Variants in OR10G7 observed in about 807,000 individuals in gnomAD.
OR10G7 encodes the protein olfactory receptor 10G7.
For missense variants in OR10G7, 338 were observed against 382.1 expected (o/e 0.88, Z 0.96); for synonymous variants, 165 against 167.4 (o/e 0.99, Z 0.11).
intron 1 of OR10G7, among the ~76,000 whole-genome samples, chr11:124,039,439 A>AAC (rs147148370): frequency 5.5e-4 from 84 of 151,576 alleles, no homozygotes; most frequent in South Asian, 1.0e-3. Flanking sequence ...TCTCTGTGTC[A>AAC]ACACACACAC....
At position 124,036,030 on chromosome 11, in the gene OR10G7, G is replaced by T. The variant is rs971946489; in HGVS notation, c.*2036C>A. On this transcript the variant is annotated 3_prime_UTR_variant, in exon 2 of 2. Transcript: ENST00000641585. ...ATTAACATACACTGGTGTTAAAACT[G>T]TATAGTATTTAACAAATACACACAC... 1 of 152,220 alleles carries T rather than the reference G, an allele frequency of 6.6e-6. No homozygotes were observed. The highest frequency in any genetic ancestry group is 1.9e-4 in the East Asian group (1 of 5,178). 9.4% of individuals were successfully genotyped at this position (152,220 alleles called of 1,614,324 possible). A position where few individuals can be genotyped will look rare whatever the true frequency, so the allele number is the denominator to read the frequency against.
rs1864191094 is a variant in OR10G7 at position 124,036,277 on chromosome 11, TTATA to T, written c.*1785_*1788del. The stretch of plus-strand genomic sequence containing the variant: ...AATTAAATAAAGACTGACATTCTTC[TTATA>T]TATGTTTATCAATAATTTACTTTCA... On this transcript the variant is annotated 3_prime_UTR_variant, in exon 2 of 2. Transcript: ENST00000641585. The T allele has an allele frequency of 6.6e-6, 1 of 152,208 alleles. No individual in the cohort carries two copies. The highest frequency in any genetic ancestry group is 2.1e-4 in the South Asian group (1 of 4,832). The allele number at this position is 152,208 out of a possible 1,614,324, so 9.4% of individuals were successfully genotyped here. A position where few individuals can be genotyped will look rare whatever the true frequency, so the allele number is the denominator to read the frequency against.
intron 1 of OR10G7, among the ~76,000 whole-genome samples, chr11:124,039,303 T>C (rs898348093): frequency 2.0e-5 from 3 of 152,036 alleles, no homozygotes; most frequent in African/African-American, 7.3e-5. Context: ...TTGGAAAAGA[T>C]ATACTCAAAT....
rs536786109 is a variant in OR10G7 at position 124,037,489 on chromosome 11, A to G, written c.*577T>C. On this transcript the variant is annotated 3_prime_UTR_variant, in exon 2 of 2. Transcript: ENST00000641585. ...GTATACAGTGCATAAATGGACAAATATTTACTCTCAGAAATCTTTCAGGCC... is the reference window on the plus strand; with the variant it reads ...GTATACAGTGCATAAATGGACAAATGTTTACTCTCAGAAATCTTTCAGGCC... 2 of 152,308 alleles carry G rather than the reference A, an allele frequency of 1.3e-5. No homozygotes were observed. Among genetic ancestry groups the G allele is most frequent in the South Asian group, 4.1e-4 (2 of 4,832 alleles). The allele number at this position is 152,308 out of a possible 1,614,324, so 9.4% of individuals were successfully genotyped here. A position where few individuals can be genotyped will look rare whatever the true frequency, so the allele number is the denominator to read the frequency against.
At position 124,038,794 on chromosome 11, in the gene OR10G7, A is replaced by G. The variant is rs753816401; in HGVS notation, c.208T>C (p.Trp70Arg). ...FLTNLSFIDM[W>R]FSTVTVPKML... ...TTGGGCACCGTGACAGTGGAGAACC[A>G]CATGTCAATGAAGGACAGGTTGGTG... The change falls in exon 2 of 2, where the codon TGG (tryptophan) becomes CGG (arginine). Residue 70 changes from tryptophan (W) to arginine (R), a missense_variant. Trp to Arg is a moderately radical substitution (Grantham distance 101, BLOSUM62 -3). Transcript: ENST00000641585. The G allele has an allele frequency of 8.1e-6, 13 of 1,613,924 alleles. No individual in the cohort carries two copies. Among genetic ancestry groups the G allele is most frequent in the Non-Finnish European group, 1.0e-5 (12 of 1,180,024 alleles).
At position 124,038,247 on chromosome 11, in the gene OR10G7, C is replaced by T. The variant is rs1274430707; in HGVS notation, c.755G>A (p.Gly252Asp). 7 of 1,614,020 alleles carry T rather than the reference C, an allele frequency of 4.3e-6. No individual in the cohort carries two copies. The Admixed American group carries it at 6.7e-5, about 15-fold the overall frequency. The change falls in exon 2 of 2, where the codon GGC (glycine) becomes GAC (aspartate). Residue 252 changes from glycine to aspartate, a missense_variant. Gly to Asp is a moderately conservative substitution (Grantham distance 94). Transcript: ENST00000641585. ...SHCIVVLCFF[G>D]PGLFIYLRPG... Reference sequence around the variant, plus strand: ...CCTCAGGTAAATGAAAAGACCAGGGCCAAAGAAGCAAAGGACCACGATACA... The same window carrying T: ...CCTCAGGTAAATGAAAAGACCAGGGTCAAAGAAGCAAAGGACCACGATACA...
In OR10G7 at chr11:124,038,459, C is replaced by T. The variant is rs769432723; in HGVS notation, c.543G>A (p.Pro181=). Reference sequence around the variant, plus strand: ...CTGCACAGGCCAGTTTCAGGATGGGCGGTGCGTCACAGAAGTAGTGCTGGA... The same window carrying T: ...CTGCACAGGCCAGTTTCAGGATGGGTGGTGCGTCACAGAAGTAGTGCTGGA... ...NQIQHYFCDA[P]PILKLACADT... is the part of the protein sequence containing the mutation. The change falls in exon 2 of 2, where the codon CCG becomes CCA. Residue 181 remains proline (P), a synonymous_variant. Coordinates refer to ENST00000641585, the MANE Select transcript of OR10G7 (RefSeq NM_001004463.2). 8 of 1,613,810 alleles carry T rather than the reference C, an allele frequency of 5.0e-6. No homozygotes were observed. The highest frequency in any genetic ancestry group is 1.1e-5 in the South Asian group (1 of 91,072).
chr11:124,037,029 T>C lies in OR10G7; in HGVS notation c.*1037A>G, dbSNP rs532114732. ...AGAGTTGGCATGACCAGGATACCTG[T>C]GGTATTTAAATTAAACATTTATTTT... On this transcript the variant is annotated 3_prime_UTR_variant, in exon 2 of 2. Coordinates refer to ENST00000641585, the MANE Select transcript of OR10G7 (RefSeq NM_001004463.2). 4 of 152,218 alleles carry C rather than the reference T, an allele frequency of 2.6e-5. No individual in the cohort carries two copies. Among genetic ancestry groups the C allele is most frequent in the Non-Finnish European group, 5.9e-5 (4 of 68,050 alleles). The allele number at this position is 152,218 out of a possible 1,614,324, so 9.4% of individuals were successfully genotyped here. A position where few individuals can be genotyped will look rare whatever the true frequency, so the allele number is the denominator to read the frequency against.
At position 124,038,740 on chromosome 11, in the gene OR10G7, C is replaced by A; in HGVS notation, c.262G>T (p.Gly88Cys). 3 of 1,613,948 alleles carry A rather than the reference C, an allele frequency of 1.9e-6. No individual in the cohort carries two copies. Among genetic ancestry groups the A allele is most frequent in the Non-Finnish European group, 2.5e-6 (3 of 1,180,026 alleles). The change falls in exon 2 of 2, where the codon GGC (glycine) becomes TGC (cysteine). Residue 88 changes from glycine (G) to cysteine (C), a missense_variant. Transcript: ENST00000641585. The part of the protein sequence containing the change: ...KMLMTLVSPS[G>C]RTISFHSCVA... ...CAGCTGTGGAAGGAGATAGTCCTGC[C>A]GCTTGGGGACACCAAGGTCATCAGC...
rs1225926040 is a variant in OR10G7, at chr11:124,040,956, G to A, written c.-91C>T. ...GAAAGAAAATGTCAGTTCTTGATAAGTGGTATAATTTTTCTTTTCTTGCAA... is the reference window on the plus strand; with the variant it reads ...GAAAGAAAATGTCAGTTCTTGATAAATGGTATAATTTTTCTTTTCTTGCAA... On this transcript the variant is annotated 5_prime_UTR_variant, in exon 1 of 2. Transcript: ENST00000641585. 6.6e-6 allele frequency: 1 copy of A among 152,130 alleles called. No homozygotes were observed. Among genetic ancestry groups the A allele is most frequent in the Non-Finnish European group, 1.5e-5 (1 of 68,038 alleles). The allele number at this position is 152,130 out of a possible 1,614,324, so 9.4% of individuals were successfully genotyped here.
At position 124,037,257 on chromosome 11, in the gene OR10G7, CTT is replaced by C. The variant is rs1021627300; in HGVS notation, c.*807_*808del. 4.6e-5 allele frequency: 7 copies of C among 152,096 alleles called. No homozygotes were observed. Among genetic ancestry groups the C allele is most frequent in the African/African-American group, 1.7e-4 (7 of 41,416 alleles). 9.4% of individuals were successfully genotyped at this position (152,096 alleles called of 1,614,324 possible). A position where few individuals can be genotyped will look rare whatever the true frequency, so the allele number is the denominator to read the frequency against. ...ACTTTATTCTAAATTAAGGGATACT[CTT>C]AACAGTTTTTGACTGCATATTTTTG... On this transcript the variant is annotated 3_prime_UTR_variant, in exon 2 of 2. Transcript: ENST00000641585.
At position 124,038,592 on chromosome 11, in the gene OR10G7, C is replaced by T. The variant is rs776659891; in HGVS notation, c.410G>A (p.Gly137Glu). ...YPLRYTNMMT[G>E]RSCALLATGT... is the part of the protein sequence containing the mutation. The stretch of plus-strand genomic sequence containing the variant: ...GGTGGCCAGGAGGGCACACGAGCGC[C>T]CAGTCATCATGTTGGTGTACCTGAG... The change falls in exon 2 of 2, where the codon GGG (glycine) becomes GAG (glutamate). Residue 137 changes from glycine (G) to glutamate (E), a missense_variant. Transcript: ENST00000641585. 3 of 1,613,766 alleles carry T rather than the reference C, an allele frequency of 1.9e-6. No individual in the cohort carries two copies. Among genetic ancestry groups the T allele is most frequent in the Non-Finnish European group, 2.5e-6 (3 of 1,179,962 alleles).
In OR10G7 at chr11:124,038,756, G is replaced by A; in HGVS notation, c.246C>T (p.Thr82=). The A allele has an allele frequency of 6.2e-7, 1 of 1,614,040 alleles. No individual in the cohort carries two copies. Among genetic ancestry groups the A allele is most frequent in the Non-Finnish European group, 8.5e-7 (1 of 1,180,030 alleles). Residue 82 remains threonine, a synonymous_variant, in exon 2 of 2, where the codon ACC becomes ACT. Coordinates refer to ENST00000641585, the MANE Select transcript of OR10G7 (RefSeq NM_001004463.2). ...TAGTCCTGCCGCTTGGGGACACCAAGGTCATCAGCATTTTGGGCACCGTGA... is the reference window on the plus strand; with the variant it reads ...TAGTCCTGCCGCTTGGGGACACCAAAGTCATCAGCATTTTGGGCACCGTGA... ...STVTVPKMLM[T]LVSPSGRTIS...
rs1321594379 is a variant in OR10G7, at chr11:124,038,106, A to G, written c.896T>C (p.Leu299Ser). The change falls in exon 2 of 2, where the codon TTG becomes TCG. Residue 299 changes from leucine to serine, a missense_variant. Coordinates refer to ENST00000641585, the MANE Select transcript of OR10G7 (RefSeq NM_001004463.2). ...AAATACTGACCCATTTTTCAGCTTCAACAGAGCTTTCTTTACCTCCTTGTT... is the reference window on the plus strand; with the variant it reads ...AAATACTGACCCATTTTTCAGCTTCGACAGAGCTTTCTTTACCTCCTTGTT... ...LRNKEVKKAL[L>S]KLKNGSVFAQ... The G allele has an allele frequency of 6.2e-7, 1 of 1,613,606 alleles. No individual in the cohort carries two copies. The highest frequency in any genetic ancestry group is 2.2e-5 in the East Asian group (1 of 44,878).
Position 124,038,865 on chromosome 11 carries a change from AC to A in OR10G7, c.136del (p.Val46Ter). On this transcript the variant is annotated frameshift_variant, in exon 2 of 2. Coordinates refer to ENST00000641585, the MANE Select transcript of OR10G7 (RefSeq NM_001004463.2). LOFTEE classifies it low-confidence loss of function (END_TRUNC). ...GTGGAGGTGAGAATCCACCCTGATC[AC>A]CAGCAGGATGAGGAGGTTCCCCAGC... ...TVLGNLLILL[V>X]IRVDSHLHTP... 1 of 1,613,780 alleles carries A rather than the reference AC, an allele frequency of 6.2e-7. No homozygotes were observed. Among genetic ancestry groups the A allele is most frequent in the African/African-American group, 1.3e-5 (1 of 74,888 alleles).
Position 124,038,114 on chromosome 11 carries a change from T to C in OR10G7, c.888A>G (p.Lys296=), listed in dbSNP as rs747137233. ...ACCCATTTTTCAGCTTCAACAGAGC[T>C]TTCTTTACCTCCTTGTTTCTCAGGG... ...VYTLRNKEVK[K]ALLKLKNGSV... is the part of the protein sequence containing the mutation. The change falls in exon 2 of 2, where the codon AAA becomes AAG. Residue 296 remains lysine, a synonymous_variant. Coordinates refer to ENST00000641585, the MANE Select transcript of OR10G7 (RefSeq NM_001004463.2). 36 of 1,613,944 alleles carry C rather than the reference T, an allele frequency of 2.2e-5. No individual in the cohort carries two copies. The South Asian group carries it at 2.6e-4, about 12-fold the overall frequency.
Position 124,038,344 on chromosome 11 carries a change from T to G in OR10G7, c.658A>C (p.Ile220Leu). 2.5e-6 allele frequency: 4 copies of G among 1,614,116 alleles called. No individual in the cohort carries two copies. The highest frequency in any genetic ancestry group is 3.4e-6 in the Non-Finnish European group (4 of 1,180,036). Residue 220 changes from isoleucine to leucine, a missense_variant, in exon 2 of 2, where the codon ATC becomes CTC. Transcript: ENST00000641585. ...FVLIVLSYVS[I>L]VCSILRIRTS... ...CGGATCCGCAGGATGGAACAGACGATGGACACATAGGACAGCACTATCAGG... is the reference window on the plus strand; with the variant it reads ...CGGATCCGCAGGATGGAACAGACGAGGGACACATAGGACAGCACTATCAGG...
rs137869178 is a variant in OR10G7 at position 124,038,986 on chromosome 11, G to T, written c.16C>A (p.Leu6Ile). 9.4e-5 allele frequency: 152 copies of T among 1,613,270 alleles called. No homozygotes were observed. Among genetic ancestry groups the T allele is most frequent in the Non-Finnish European group, 1.2e-4 (137 of 1,179,436 alleles). Residue 6 changes from leucine (L) to isoleucine (I), a missense_variant, in exon 2 of 2, where the codon CTA becomes ATA. By Grantham distance (5) the Leu-to-Ile change is conservative. Coordinates refer to ENST00000641585, the MANE Select transcript of OR10G7 (RefSeq NM_001004463.2). MSNAT[L>I]LTAFILTGLP... is the part of the protein sequence containing the mutation. Reference sequence around the variant, plus strand: ...CCCGTGAGGATGAACGCTGTCAGTAGGGTGGCGTTGGACATTTCTTCTCAT... The same window carrying T: ...CCCGTGAGGATGAACGCTGTCAGTATGGTGGCGTTGGACATTTCTTCTCAT...
chr11:124,039,894 C>G (rs549872658), intron 1 of OR10G7, among the ~76,000 whole-genome samples: 9 of 152,240 alleles, frequency 5.9e-5, no homozygotes, highest in South Asian at 4.2e-4. Flanking sequence ...GATCCTCCCC[C>G]TCCCCACCCC....
Sources: gnomAD v4.1 joint callset for allele counts (sites outside exome capture counted in the v4.1 genomes callset) on GRCh38, gnomAD v4.1.1 for gene constraint, MANE v1.5 for transcripts, NCBI Gene and HGNC (gene_info 2026-07-23, HGNC 2026-07-21) for gene names.